The following PUSL1 variants were observed in gnomAD, a reference collection of about 807,000 sequenced individuals.
The protein encoded by PUSL1 is tRNA pseudouridine synthase-like 1.
PUSL1 carries 51 observed loss-of-function variants against 30.7 expected under a neutral mutation model. The ratio of observed to expected loss-of-function variants is 1.66; its 90% confidence interval spans 1.33 to 2.10. PUSL1 has a LOEUF of 2.10. Ranked by LOEUF, PUSL1 falls within the 30% of genes most tolerant of loss-of-function variation. PUSL1 has a pLI of 0.00. For synonymous variants in PUSL1, 290 were observed against 192.1 expected, an observed-to-expected ratio of 1.51 and a Z score of -4.21; for missense variants, 609 against 427.6, an observed-to-expected ratio of 1.42 and a Z score of -3.74.
intron 5 of PUSL1, 99 bp downstream of exon 5, chr1:1,309,950 C>A: frequency 2.9e-6 from 3 of 1,035,358 alleles, no homozygotes; most frequent in African/African-American, 1.6e-5. Flanking sequence ...AGGCGGGAGG[C>A]AGGCAGCCGG....
chr1:1,311,176 G>T (rs919400070), intron 7 of PUSL1, 105 bp downstream of exon 7: 1 of 1,464,892 alleles, frequency 6.8e-7, no homozygotes, highest in South Asian at 1.3e-5. Flanking sequence ...AACTGGGGGT[G>T]AAGCAGCCCC....
intron 5 of PUSL1, chr1:1,310,169 C>A: frequency 2.5e-6 from 1 of 406,702 alleles, no homozygotes; most frequent in South Asian, 4.0e-5. Context: ...CTGCTGCCCC[C>A]AGCACTGTCC....
rs61740325 is a variant in PUSL1 at position 1,310,917 on chromosome 1, G to A, written c.708G>A (p.Arg236=). Residue 236 remains arginine (R), a synonymous_variant, in exon 7 of 8, where the codon AGG becomes AGA. Coordinates refer to ENST00000379031, the MANE Select transcript of PUSL1 (RefSeq NM_153339.3). ...GTGGCTCTGGGTCACAGGTACGGAGGATGACGGCTGTGCTGGTGGCCGTGG... is the reference window on the plus strand; with the variant it reads ...GTGGCTCTGGGTCACAGGTACGGAGAATGACGGCTGTGCTGGTGGCCGTGG... ...SQSFLYRQVR[R]MTAVLVAVGL... 1.5e-4 allele frequency: 238 copies of A among 1,613,120 alleles called. No homozygotes were observed. The highest frequency in any genetic ancestry group is 3.2e-4 in the Admixed American group (19 of 60,014).
At position 1,309,601 on chromosome 1, in the gene PUSL1, A is replaced by C. The variant is rs1467278742; in HGVS notation, c.471A>C (p.Ala157=). 3.7e-6 allele frequency: 6 copies of C among 1,609,320 alleles called. No homozygotes were observed. Among genetic ancestry groups the C allele is most frequent in the Non-Finnish European group, 5.1e-6 (6 of 1,178,000 alleles). Residue 157 remains alanine (A), a splice_region_variant and synonymous_variant, in exon 4 of 8, where the codon GCA becomes GCC. Transcript: ENST00000379031. ...FERNLCWTLP[A]DCLDMVAMQE... ...GCAACCTATGCTGGACTCTCCCGGC[A>C]GAGTGAGTGTGGCCCTGACAGCGGG... is the stretch of plus-strand genomic sequence containing the variant.
At chr1:1,309,893 C>A in intron 5 of PUSL1, 42 bp downstream of exon 5, 1 of 1,421,734 alleles carries the variant, frequency 7.0e-7, no homozygotes, top group African/African-American at 1.4e-5. Context: ...CCTCAAGTCA[C>A]GTGCTGATTT....
intron 1 of PUSL1, 75 bp from the exon 2 acceptor site, chr1:1,308,840 G>A (rs1025759564): frequency 2.1e-6 from 3 of 1,426,894 alleles, no homozygotes; most frequent in African/African-American, 1.5e-5. Flanking sequence ...GGAAGGAAGC[G>A]GCCCTGGCCT....
intron 5 of PUSL1, chr1:1,310,174 C>G (rs1570688520): frequency 2.5e-6 from 1 of 401,276 alleles, no homozygotes; most frequent in Non-Finnish European, 4.5e-6. Context: ...GCCCCCAGCA[C>G]TGTCCCGAGG....
chr1:1,309,476 C>T lies in PUSL1; in HGVS notation c.346C>T (p.Pro116Ser). ...AIRVLRAFRV[P>S]SDFHARHAAT... ...TAGGGTCCTGCGGGCCTTCCGAGTGCCCAGCGACTTCCACGCTCGTCACGC... is the reference window on the plus strand; with the variant it reads ...TAGGGTCCTGCGGGCCTTCCGAGTGTCCAGCGACTTCCACGCTCGTCACGC... Residue 116 changes from proline to serine, a missense_variant, in exon 4 of 8, where the codon CCC becomes TCC. Physicochemically the swap from Pro to Ser is moderately conservative, Grantham distance 74 (BLOSUM62 -1). Coordinates refer to ENST00000379031, the MANE Select transcript of PUSL1 (RefSeq NM_153339.3). 6.2e-7 allele frequency: 1 copy of T among 1,606,248 alleles called. No individual in the cohort carries two copies. Among genetic ancestry groups the T allele is most frequent in the Non-Finnish European group, 8.5e-7 (1 of 1,176,986 alleles).
At chr1:1,309,057 C>A (rs976995709) in intron 2 of PUSL1, 29 bp from the exon 3 acceptor site, 7 of 1,405,782 alleles carry the variant, frequency 5.0e-6, no homozygotes, top group Non-Finnish European at 6.4e-6. Context: ...GCCTCGCTCA[C>A]CCGCCCGCCC....
In PUSL1 at chr1:1,310,931, T is replaced by TGGTG. The variant is rs1455471269; in HGVS notation, c.724_727dup (p.Ala243GlyfsTer157). On this transcript the variant is annotated frameshift_variant, in exon 7 of 8. Transcript: ENST00000379031. LOFTEE classifies it high-confidence loss of function. ...CAGGTACGGAGGATGACGGCTGTGC[T>TGGTG]GGTGGCCGTGGGGCTGGGGGCTTTG... is the stretch of plus-strand genomic sequence containing the variant. The TGGTG allele has an allele frequency of 6.2e-7, 1 of 1,613,016 alleles. No homozygotes were observed. Among genetic ancestry groups the TGGTG allele is most frequent in the Non-Finnish European group, 8.5e-7 (1 of 1,179,894 alleles).
Position 1,308,695 on chromosome 1 carries a change from T to C in PUSL1, c.52T>C (p.Phe18Leu). 1.3e-6 allele frequency: 2 copies of C among 1,557,140 alleles called. No individual in the cohort carries two copies. The highest frequency in any genetic ancestry group is 1.7e-6 in the Non-Finnish European group (2 of 1,155,212). The change falls in exon 1 of 8, where the codon TTC (phenylalanine) becomes CTC (leucine). Residue 18 changes from phenylalanine (F) to leucine (L), a missense_variant. By Grantham distance (22) the Phe-to-Leu change is conservative (BLOSUM62 0). Coordinates refer to ENST00000379031, the MANE Select transcript of PUSL1 (RefSeq NM_153339.3). ...GSVRARYLVY[F>L]QYVGTDFNGV... ...CGTGCGCGCGCGCTATCTTGTGTAC[T>C]TCCAGTACGTGGGCACCGACTTTAA...
In PUSL1 at chr1:1,309,505, C is replaced by T; in HGVS notation, c.375C>T (p.Ala125=). Residue 125 remains alanine, a synonymous_variant, in exon 4 of 8, where the codon GCC becomes GCT. Transcript: ENST00000379031. ...VPSDFHARHA[A]TSRTYLYRLA... ...GCGACTTCCACGCTCGTCACGCAGCCACGTCCCGGACCTACCTGTACCGCC... is the reference window on the plus strand; with the variant it reads ...GCGACTTCCACGCTCGTCACGCAGCTACGTCCCGGACCTACCTGTACCGCC... The T allele has an allele frequency of 6.2e-7, 1 of 1,610,030 alleles. No homozygotes were observed. The highest frequency in any genetic ancestry group is 8.5e-7 in the Non-Finnish European group (1 of 1,178,804).
At position 1,308,629 on chromosome 1, in the gene PUSL1, C is replaced by A; in HGVS notation, c.-15C>A. On this transcript the variant is annotated 5_prime_UTR_variant, in exon 1 of 8. Transcript: ENST00000379031. ...CGCTGGAGGCCGCCTCTGACGCCAC[C>A]GGCTGGGCTCCGCCATGAGTTCGGC... is the stretch of plus-strand genomic sequence containing the variant. The A allele has an allele frequency of 6.7e-7, 1 of 1,495,116 alleles. No homozygotes were observed. The highest frequency in any genetic ancestry group is 8.9e-7 in the Non-Finnish European group (1 of 1,122,540). 92.6% of individuals were successfully genotyped at this position (1,495,116 alleles called of 1,614,324 possible). A position where few individuals can be genotyped will look rare whatever the true frequency, so the allele number is the denominator to read the frequency against.
chr1:1,311,621 G>T lies in PUSL1; in HGVS notation c.*242G>T, dbSNP rs900800170. 1 of 714,254 alleles carries T rather than the reference G, an allele frequency of 1.4e-6. No homozygotes were observed. The allele number at this position is 714,254 out of a possible 1,614,324, so 44.2% of individuals were successfully genotyped here. A position where few individuals can be genotyped will look rare whatever the true frequency, so the allele number is the denominator to read the frequency against. On this transcript the variant is annotated 3_prime_UTR_variant, in exon 8 of 8. Coordinates refer to ENST00000379031, the MANE Select transcript of PUSL1 (RefSeq NM_153339.3). ...GTAGTCTTTTGTTCAGCTTTTACTG[G>T]AAACTGCTGTCTAGGACCACCTGCC...
rs867092754 is a variant in PUSL1, at chr1:1,308,928, G to A, written c.91G>A (p.Val31Ile). 1 of 1,421,034 alleles carries A rather than the reference G, an allele frequency of 7.0e-7. No individual in the cohort carries two copies. The highest frequency in any genetic ancestry group is 1.5e-5 in the African/African-American group (1 of 66,636). 88.0% of individuals were successfully genotyped at this position (1,421,034 alleles called of 1,614,324 possible). A position where few individuals can be genotyped will look rare whatever the true frequency, so the allele number is the denominator to read the frequency against. Residue 31 changes from valine (V) to isoleucine (I), a missense_variant, in exon 2 of 8, where the codon GTC becomes ATC. Transcript: ENST00000379031. The part of the protein sequence containing the change: ...VGTDFNGVAA[V>I]RGTQRAVGVQ... ...TTCTGCCCGCAGCGGGGTCGCGGCC[G>A]TCAGGGGCACTCAGCGCGCCGTCGG... is the stretch of plus-strand genomic sequence containing the variant.
At chr1:1,310,437 C>T in intron 5 of PUSL1, 197 bp from the exon 6 acceptor site, 1 of 608,728 alleles carries the variant, frequency 1.6e-6, no homozygotes, top group Non-Finnish European at 2.9e-6. Context: ...CTTGCCCAAG[C>T]ATTGTTTCTC....
At position 1,311,382 on chromosome 1, in the gene PUSL1, C is replaced by T; in HGVS notation, c.*3C>T. The T allele has an allele frequency of 6.2e-7, 1 of 1,602,484 alleles. No homozygotes were observed. Among genetic ancestry groups the T allele is most frequent in the South Asian group, 1.1e-5 (1 of 89,598 alleles). On this transcript the variant is annotated 3_prime_UTR_variant, in exon 8 of 8. Transcript: ENST00000379031. ...CACAGTTCGGGAGCCACGGATGACC[C>T]TGGACACTCAAGCCAAAGTTAGGCC...
chr1:1,308,649 T>C lies in PUSL1; in HGVS notation c.6T>C (p.Ser2=), dbSNP rs568992693. 5 of 1,507,902 alleles carry C rather than the reference T, an allele frequency of 3.3e-6. No homozygotes were observed. The African/African-American group carries it at 7.4e-5, about 22-fold the overall frequency. The allele number at this position is 1,507,902 out of a possible 1,614,324, so 93.4% of individuals were successfully genotyped here. The change falls in exon 1 of 8, where the codon AGT becomes AGC. Residue 2 remains serine (S), a synonymous_variant. Transcript: ENST00000379031. ...GCCACCGGCTGGGCTCCGCCATGAG[T>C]TCGGCGCCGGCCTCAGGCTCCGTGC... M[S]SAPASGSVRA... is the part of the protein sequence containing the mutation.
chr1:1,309,792 G>C lies in PUSL1; in HGVS notation c.585G>C (p.Leu195=). The C allele has an allele frequency of 6.4e-7, 1 of 1,557,986 alleles. No homozygotes were observed. The highest frequency in any genetic ancestry group is 8.7e-7 in the Non-Finnish European group (1 of 1,151,114). ...CGGTGCCGAGCCCCGTGCGAACGCTGCGCCGGGTCTCCGTTTCCCCAGGCC... is the reference window on the plus strand; with the variant it reads ...CGGTGCCGAGCCCCGTGCGAACGCTCCGCCGGGTCTCCGTTTCCCCAGGCC... The part of the protein sequence containing the change: ...GSPVPSPVRT[L]RRVSVSPGQA... Residue 195 remains leucine, a synonymous_variant, in exon 5 of 8, where the codon CTG becomes CTC. Transcript: ENST00000379031.
Sources: gnomAD v4.1 joint callset for allele counts on GRCh38, gnomAD v4.1.1 for gene constraint, MANE v1.5 for transcripts, NCBI Gene and HGNC (gene_info 2026-07-23, HGNC 2026-07-21) for gene names.